The following RAB11B variants were observed in gnomAD, a reference collection of about 807,000 sequenced individuals.
RAB11B encodes the protein ras-related protein Rab-11B.
In RAB11B, 7 loss-of-function variants were observed where a neutral mutation model predicts 23.7. The observed-to-expected ratio is 0.29, with a 90% CI of 0.17 to 0.55. RAB11B has a LOEUF of 0.55. Ranked by LOEUF, RAB11B falls within the 20% of genes least tolerant of loss-of-function variation. The pLI is 0.93. For synonymous variants in RAB11B, 138 were observed against 132.0 expected (o/e 1.05, Z -0.31); for missense variants, 189 against 320.0 (o/e 0.59, Z 3.12).
At chr19:8,393,334 C>A (rs968495412) in intron 1 of RAB11B, among the ~76,000 whole-genome samples, 15 of 152,172 alleles carry the variant, frequency 9.9e-5, no homozygotes, top group African/African-American at 3.6e-4. Context: ...ACCCTAGAGG[C>A]CCTGGCCAAT....
intron 1 of RAB11B, 72 bp downstream of exon 1, chr19:8,390,528 T>C (rs1971339317): frequency 9.4e-6 from 13 of 1,380,640 alleles, no homozygotes; most frequent in Non-Finnish European, 1.2e-5. Context: ...AAGGCCGCGC[T>C]CCAGGCCGCT....
rs551097268 is a variant in RAB11B at position 8,396,913 on chromosome 19, G to T, written c.41-2950G>T. On this transcript the variant is annotated intron_variant, in intron 1 of 4. Transcript: ENST00000328024. The surrounding 1 kb of genome is among the most constrained non-coding windows in gnomAD (Gnocchi z 5.0). Reference sequence around the variant, plus strand: ...GGTGATGAGCGTGAACACAGGGACCGCACAGACAATACCTTCCAGGGTCTG... The same window carrying T: ...GGTGATGAGCGTGAACACAGGGACCTCACAGACAATACCTTCCAGGGTCTG... Among the ~76,000 whole-genome samples the T allele has an allele frequency of 2.3e-4, 35 of 152,286 alleles. No homozygotes were observed. Among genetic ancestry groups the T allele is most frequent in the South Asian group, 1.2e-3 (6 of 4,816 alleles).
rs201361496 is a variant in RAB11B, at chr19:8,399,857, G to A, written c.41-6G>A. ...GGGATTCACAGAACCTCGCCTTCCC[G>A]CCCAGTGGTGCTCATCGGGGACTCA... is the stretch of plus-strand genomic sequence containing the variant. On this transcript the variant is annotated splice_region_variant and splice_polypyrimidine_tract_variant and intron_variant, in intron 1 of 4. Coordinates refer to ENST00000328024, the MANE Select transcript of RAB11B (RefSeq NM_004218.4). 9.7e-5 allele frequency: 157 copies of A among 1,611,908 alleles called. 3 individuals carry two copies. In the East Asian group the frequency reaches 2.6e-3, roughly 27 times the overall value.
rs1260815435 is a variant in RAB11B, at chr19:8,404,335, GCT to G, written c.*781_*782del. Reference sequence around the variant, plus strand: ...TTTGTAAGATTTACGCCAAACCCCAGCTCTCGATCTCTTCTTCTCCCTGTGGC... The same window carrying G: ...TTTGTAAGATTTACGCCAAACCCCAGCTCGATCTCTTCTTCTCCCTGTGGC... On this transcript the variant is annotated 3_prime_UTR_variant, in exon 5 of 5. Coordinates refer to ENST00000328024, the MANE Select transcript of RAB11B (RefSeq NM_004218.4). The G allele has an allele frequency of 6.6e-6, 1 of 152,236 alleles. No homozygotes were observed. The highest frequency in any genetic ancestry group is 1.5e-5 in the Non-Finnish European group (1 of 68,118). The allele number at this position is 152,236 out of a possible 1,614,324, so 9.4% of individuals were successfully genotyped here. A position where few individuals can be genotyped will look rare whatever the true frequency, so the allele number is the denominator to read the frequency against.
chr19:8,402,803 C>T, intron 4 of RAB11B: 2 of 574,756 alleles, frequency 3.5e-6, no homozygotes, highest in Non-Finnish European at 6.1e-6. Context: ...GCTGGGATTA[C>T]AGGTGCCTGC....
At position 8,395,691 on chromosome 19, in the gene RAB11B, C is replaced by G. The variant is rs141990394; in HGVS notation, c.41-4172C>G. Among the ~76,000 whole-genome samples, 8 of 152,316 alleles carry G rather than the reference C, an allele frequency of 5.3e-5. No individual in the cohort carries two copies. The East Asian group carries it at 1.5e-3, about 29-fold the overall frequency. On this transcript the variant is annotated intron_variant, in intron 1 of 4. Transcript: ENST00000328024. ...AGTGGTCTTTGGGGAGAGGAGAGGT[C>G]TGAGCCGAGGGGTCTTGAAGGATGA... is the stretch of plus-strand genomic sequence containing the variant.
chr19:8,401,370 C>A (rs10404380), intron 2 of RAB11B, among the ~76,000 whole-genome samples: 86,610 of 149,656 alleles, frequency 0.58, 25,032 homozygotes, highest in East Asian at 0.82. Context: ...GTGAGCGACC[C>A]TGCCTGGCCT....
At chr19:8,395,941 G>A (rs371479298) in intron 1 of RAB11B, among the ~76,000 whole-genome samples, 1 of 152,196 alleles carries the variant, frequency 6.6e-6, no homozygotes, top group Non-Finnish European at 1.5e-5. Flanking sequence ...CTTCCCAGGC[G>A]GTGGCTCCAG....
rs1458226951 is a variant in RAB11B at position 8,393,556 on chromosome 19, G to GGCCT, written c.40+3103_40+3106dup. ...TCAAGCCTGGGCAGACCTCACAGTG[G>GGCCT]GCCTGCTGTTCCAGTTGCTGTTTGG... On this transcript the variant is annotated intron_variant, in intron 1 of 4. Coordinates refer to ENST00000328024, the MANE Select transcript of RAB11B (RefSeq NM_004218.4). Among the ~76,000 whole-genome samples the GGCCT allele has an allele frequency of 2.0e-5, 3 of 152,182 alleles. No homozygotes were observed. In the East Asian group the frequency reaches 5.8e-4, roughly 29 times the overall value.
rs749947672 is a variant in RAB11B at position 8,403,422 on chromosome 19, G to T, written c.521G>T (p.Arg174Leu). 6.2e-7 allele frequency: 1 copy of T among 1,613,234 alleles called. No individual in the cohort carries two copies. Among genetic ancestry groups the T allele is most frequent in the Non-Finnish European group, 8.5e-7 (1 of 1,179,548 alleles). Residue 174 changes from arginine to leucine, a missense_variant, in exon 5 of 5, where the codon CGC (arginine) becomes CTC (leucine). Physicochemically the swap from Arg to Leu is moderately radical, Grantham distance 102. This residue lies in a region of RAB11B where 122 missense variants were observed against 170.8 expected (regional missense o/e 0.71). Transcript: ENST00000328024. ...AFKNILTEIY[R>L]IVSQKQIADR... is the part of the protein sequence containing the mutation. ...TGTACCCCCTTTGCAGAGATCTACC[G>T]CATCGTGTCACAGAAACAGATCGCA...
chr19:8,392,171 C>T (rs1233615240), intron 1 of RAB11B, among the ~76,000 whole-genome samples: 1 of 152,194 alleles, frequency 6.6e-6, no homozygotes, highest in South Asian at 2.1e-4. Flanking sequence ...GTGGCACTGC[C>T]AGGGCAGGGG....
At chr19:8,397,356 C>G (rs1389074605) in intron 1 of RAB11B, among the ~76,000 whole-genome samples, 1 of 152,050 alleles carries the variant, frequency 6.6e-6, no homozygotes, top group Non-Finnish European at 1.5e-5. Context: ...GACAGAGATG[C>G]CTGTCCTGAG....
chr19:8,395,787 C>T (rs992658266), intron 1 of RAB11B, among the ~76,000 whole-genome samples: 7 of 152,190 alleles, frequency 4.6e-5, no homozygotes, highest in African/African-American at 1.7e-4. Context: ...CCCAGAGCCT[C>T]AATGCCCACC....
rs545333977 is a variant in RAB11B, at chr19:8,391,108, C to G, written c.40+652C>G. Among the ~76,000 whole-genome samples, 6 of 152,282 alleles carry G rather than the reference C, an allele frequency of 3.9e-5. No individual in the cohort carries two copies. The South Asian group carries it at 1.2e-3, about 32-fold the overall frequency. On this transcript the variant is annotated intron_variant, in intron 1 of 4. Transcript: ENST00000328024. Reference sequence around the variant, plus strand: ...ATTCCATCTCTTCACTCAGAACTCTCAACAGTGCTAAGCCAGTACTTGCAC... The same window carrying G: ...ATTCCATCTCTTCACTCAGAACTCTGAACAGTGCTAAGCCAGTACTTGCAC...
At chr19:8,390,788 G>T (rs538061086) in intron 1 of RAB11B, 1 of 263,540 alleles carries the variant, frequency 3.8e-6, no homozygotes, top group South Asian at 1.5e-4. Flanking sequence ...GATTTGGCGG[G>T]CCGGGCTGGG....
chr19:8,403,548 A>G lies in RAB11B; in HGVS notation c.647A>G (p.Gln216Arg). The G allele has an allele frequency of 6.2e-7, 1 of 1,612,976 alleles. No homozygotes were observed. Among genetic ancestry groups the G allele is most frequent in the Non-Finnish European group, 8.5e-7 (1 of 1,179,256 alleles). ...GQKPNKLQCC[Q>R]NL ...AAGCCCAACAAGCTGCAGTGCTGCC[A>G]GAACCTGTGACCCCTGCGCCTCCAC... is the stretch of plus-strand genomic sequence containing the variant. Residue 216 changes from glutamine (Q) to arginine (R), a missense_variant, in exon 5 of 5, where the codon CAG becomes CGG. Physicochemically the swap from Gln to Arg is conservative, Grantham distance 43. Transcript: ENST00000328024.
intron 1 of RAB11B, among the ~76,000 whole-genome samples, chr19:8,395,602 G>A (rs1599685573): frequency 6.6e-6 from 1 of 152,160 alleles, no homozygotes; most frequent in East Asian, 1.9e-4. Flanking sequence ...CCTGTGCGGG[G>A]CACCCATGGT....
intron 4 of RAB11B, 149 bp downstream of exon 4, chr19:8,402,714 G>A: frequency 3.0e-6 from 2 of 661,024 alleles, no homozygotes; most frequent in Non-Finnish European, 5.2e-6. Context: ...CCAGGCTGGA[G>A]TGTGGTGGCT....
chr19:8,403,704 G>A lies in RAB11B; in HGVS notation c.*146G>A. Reference sequence around the variant, plus strand: ...CACGGCCGGGCCGGGGCCCAGGAAGGACAGGAGCCAGTGCTACCCCGTCCT... The same window carrying A: ...CACGGCCGGGCCGGGGCCCAGGAAGAACAGGAGCCAGTGCTACCCCGTCCT... On this transcript the variant is annotated 3_prime_UTR_variant, in exon 5 of 5. Transcript: ENST00000328024. 2.5e-6 allele frequency: 3 copies of A among 1,220,042 alleles called. No individual in the cohort carries two copies. The highest frequency in any genetic ancestry group is 1.5e-5 in the African/African-American group (1 of 65,490). 75.6% of individuals were successfully genotyped at this position (1,220,042 alleles called of 1,614,324 possible). A position where few individuals can be genotyped will look rare whatever the true frequency, so the allele number is the denominator to read the frequency against.
Sources: allele counts gnomAD v4.1 joint callset (sites outside exome capture counted in the v4.1 genomes callset), GRCh38; gene constraint gnomAD v4.1.1; regional missense constraint gnomAD v4.1.1; non-coding constraint Gnocchi (gnomAD v3.1); transcripts MANE v1.5; gene names NCBI Gene and HGNC (gene_info 2026-07-23, HGNC 2026-07-21).